The following TCTN3 variants were observed in gnomAD, a reference collection of about 807,000 sequenced individuals.
TCTN3 encodes tectonic-3.
In TCTN3, 57 loss-of-function variants were observed where a neutral mutation model predicts 71.3. The ratio of observed to expected loss-of-function variants is 0.80; its 90% CI spans 0.65 to 1.00. The LOEUF is 1.00. Among genes scored for constraint, TCTN3 ranks in the 50% least tolerant of loss-of-function variants. The probability of loss-of-function intolerance (pLI) is 0.00; values close to 1 mark genes in which losing one functional copy is unlikely to be tolerated. For synonymous variants in TCTN3, 258 were observed against 267.8 expected (o/e 0.96, Z 0.36); for missense variants, 696 against 719.9 (o/e 0.97, Z 0.38).
chr10:95,690,414 G>A (rs2097952459), intron 3 of TCTN3, among the ~76,000 whole-genome samples: 2 of 152,188 alleles, frequency 1.3e-5, no homozygotes, highest in Non-Finnish European at 2.9e-5. Flanking sequence ...TAGGTTCTAA[G>A]ACGGTGACTC....
intron 1 of TCTN3, 46 bp from the exon 2 acceptor site, chr10:95,693,522 T>C: frequency 1.9e-6 from 3 of 1,551,262 alleles, no homozygotes; most frequent in South Asian, 1.2e-5. Flanking sequence ...ATCCCCAAAC[T>C]CTCCCAGGTG....
Position 95,687,128 on chromosome 10 carries a change from A to C in TCTN3, c.768T>G (p.Thr256=), listed in dbSNP as rs545216700. Residue 256 remains threonine, a synonymous_variant, in exon 6 of 14, where the codon ACT becomes ACG. Transcript: ENST00000371217. ...GFLESKSTTC[T]RFFKNLASSC... ...TACTAGCCAGGTTCTTGAAAAAACG[A>C]GTGCAAGTTGTACTTTTACTCTCTA... The C allele has an allele frequency of 6.2e-7, 1 of 1,614,222 alleles. No individual in the cohort carries two copies. The highest frequency in any genetic ancestry group is 1.3e-5 in the African/African-American group (1 of 75,074).
chr10:95,681,267 A>G (rs745722552), intron 12 of TCTN3, among the ~76,000 whole-genome samples: 3 of 151,446 alleles, frequency 2.0e-5, no homozygotes, highest in Non-Finnish European at 2.9e-5. Context: ...GTAGAGACAG[A>G]GTTTCACCAT....
At chr10:95,683,227 A>C (rs774218315) in intron 10 of TCTN3, 32 bp from the exon 11 acceptor site, 3 of 1,590,284 alleles carry the variant, frequency 1.9e-6, no homozygotes, top group Admixed American at 3.5e-5. Context: ...CAAGGACATC[A>C]TAACAGAAAA....
At chr10:95,683,933 T>G (rs1222629877) in intron 9 of TCTN3, among the ~76,000 whole-genome samples, 1 of 148,406 alleles carries the variant, frequency 6.7e-6, no homozygotes, top group Non-Finnish European at 1.5e-5. Context: ...TAACACAGCC[T>G]GGTTAAAATC....
chr10:95,664,239 T>G lies in TCTN3; in HGVS notation c.1652A>C (p.Gln551Pro). Reference protein sequence around the residue: ...TTLVNFVDITQKPQPPRGQPK... With the variant: ...TTLVNFVDITPKPQPPRGQPK... ...TTGGCCCCTTGGAGGCTGTGGCTTC[T>G]GGGTAATGTCCACAAAGTTCACAAG... Residue 551 changes from glutamine to proline, a missense_variant, in exon 14 of 14, where the codon CAG becomes CCG. Physicochemically the swap from Gln to Pro is moderately conservative, Grantham distance 76. Transcript: ENST00000371217. 6.2e-7 allele frequency: 1 copy of G among 1,614,180 alleles called. No individual in the cohort carries two copies. The highest frequency in any genetic ancestry group is 8.5e-7 in the Non-Finnish European group (1 of 1,180,018).
At chr10:95,684,075 A>G (rs1410197196) in intron 9 of TCTN3, among the ~76,000 whole-genome samples, 1 of 152,250 alleles carries the variant, frequency 6.6e-6, no homozygotes, top group Non-Finnish European at 1.5e-5. Context: ...CTGGGTTCAA[A>G]AAGAGGAAAG....
chr10:95,682,251 G>A (rs2097943736), intron 12 of TCTN3, among the ~76,000 whole-genome samples: 1 of 151,688 alleles, frequency 6.6e-6, no homozygotes, highest in Non-Finnish European at 1.5e-5. Context: ...CAGCACTTTG[G>A]GAGGCCGAGG....
intron 13 of TCTN3, among the ~76,000 whole-genome samples, chr10:95,669,596 G>A (rs1292511135): frequency 6.6e-6 from 1 of 152,136 alleles, no homozygotes; most frequent in Non-Finnish European, 1.5e-5. Context: ...CATGGATGAT[G>A]TCTATCTGCT....
In TCTN3 at chr10:95,693,420, A is replaced by G; in HGVS notation, c.313T>C (p.Cys105Arg). 1 of 1,552,074 alleles carries G rather than the reference A, an allele frequency of 6.4e-7. No homozygotes were observed. Among genetic ancestry groups the G allele is most frequent in the South Asian group, 1.2e-5 (1 of 84,064 alleles). Reference protein sequence around the residue: ...TPGACDINCCCDRDCYLLHPR... With the variant: ...TPGACDINCCRDRDCYLLHPR... ...TGGAGAAGATAGCAGTCCCTGTCGC[A>G]GCAGCAATTTATATCGCAGGCTCCA... The change falls in exon 2 of 14, where the codon TGC becomes CGC. Residue 105 changes from cysteine (C) to arginine (R), a missense_variant. By Grantham distance (180) the Cys-to-Arg change is radical. Transcript: ENST00000371217.
rs1228811691 is a variant in TCTN3 at position 95,693,053 on chromosome 10, G to A, written c.381-15C>T. On this transcript the variant is annotated splice_polypyrimidine_tract_variant and intron_variant, in intron 2 of 13. Coordinates refer to ENST00000371217, the MANE Select transcript of TCTN3 (RefSeq NM_015631.6). ...AGCTTGAAGACCTGTGAGGAAAGAGGAGGGAGAAGATATATTTAGAAGGGG... is the reference window on the plus strand; with the variant it reads ...AGCTTGAAGACCTGTGAGGAAAGAGAAGGGAGAAGATATATTTAGAAGGGG... 2.5e-6 allele frequency: 4 copies of A among 1,581,168 alleles called. No homozygotes were observed. Among genetic ancestry groups the A allele is most frequent in the South Asian group, 1.1e-5 (1 of 89,104 alleles).
chr10:95,683,454 T>A, intron 10 of TCTN3, 68 bp downstream of exon 10: 2 of 1,613,328 alleles, frequency 1.2e-6, no homozygotes, highest in Non-Finnish European at 1.7e-6. Context: ...TAGTCTAACA[T>A]AAGTTTGAAA....
intron 6 of TCTN3, 84 bp from the exon 7 acceptor site, chr10:95,686,614 G>T: frequency 7.1e-7 from 1 of 1,404,124 alleles, no homozygotes; most frequent in Non-Finnish European, 1.0e-6. Flanking sequence ...CTACCAATAG[G>T]CTTTGGTTTG....
intron 12 of TCTN3, among the ~76,000 whole-genome samples, chr10:95,681,942 C>T (rs1173392699): frequency 1.3e-5 from 2 of 152,174 alleles, no homozygotes; most frequent in Non-Finnish European, 2.9e-5. Context: ...TGCCTGTAAT[C>T]CCAGCACTTT....
intron 3 of TCTN3, 28 bp downstream of exon 3, chr10:95,692,892 T>G: frequency 8.5e-6 from 13 of 1,530,682 alleles, no homozygotes; most frequent in Non-Finnish European, 1.1e-5. Flanking sequence ...TGTTAGAAAA[T>G]GAGAACAACC....
intron 3 of TCTN3, among the ~76,000 whole-genome samples, chr10:95,690,341 G>A (rs1753728105): frequency 6.6e-6 from 1 of 152,146 alleles, no homozygotes; most frequent in South Asian, 2.1e-4. Context: ...CTTTCATGGT[G>A]TTGACAATTT....
intron 13 of TCTN3, among the ~76,000 whole-genome samples, chr10:95,664,581 A>G (rs976024964): frequency 3.9e-5 from 6 of 152,230 alleles, no homozygotes; most frequent in Non-Finnish European, 7.3e-5. Flanking sequence ...GAGAGGCCAC[A>G]TGGCAAAACT....
At chr10:95,672,685 CT>C (rs766029244) in intron 13 of TCTN3, among the ~76,000 whole-genome samples, 251 of 80,400 alleles carry the variant, frequency 3.1e-3, no homozygotes, top group African/African-American at 5.0e-3. Context: ...CTGTTCAAAT[CT>C]TTTTTTTTTT....
chr10:95,675,075 G>C (rs1402883408), intron 13 of TCTN3, among the ~76,000 whole-genome samples: 1 of 152,154 alleles, frequency 6.6e-6, no homozygotes, highest in Non-Finnish European at 1.5e-5. Context: ...ATGTATCAGG[G>C]AGAGATTTCA....
Sources: allele counts gnomAD v4.1 joint callset (sites outside exome capture counted in the v4.1 genomes callset), GRCh38; gene constraint gnomAD v4.1.1; transcripts MANE v1.5; gene names NCBI Gene and HGNC (gene_info 2026-07-23, HGNC 2026-07-21).